The following CEP135 variants were observed in gnomAD, a reference collection of about 807,000 sequenced individuals.
CEP135 encodes the protein centrosomal protein of 135 kDa.
CEP135 carries 142 observed loss-of-function variants against 157.3 expected under a neutral mutation model. That is an observed-to-expected ratio of 0.90 (90% CI 0.79 to 1.04). The LOEUF is 1.04. Ranked by LOEUF, CEP135 falls within the 50% of genes least tolerant of loss-of-function variation. CEP135 has a pLI of 0.00. For synonymous variants in CEP135, 396 were observed against 439.8 expected, an observed-to-expected ratio of 0.90 and a Z score of 1.25; for missense variants, 1,317 against 1,309.2, an observed-to-expected ratio of 1.01 and a Z score of -0.09.
At chr4:55,976,906 C>T (rs754226059) in intron 11 of CEP135, among the ~76,000 whole-genome samples, 1 of 152,088 alleles carries the variant, frequency 6.6e-6, no homozygotes, top group Non-Finnish European at 1.5e-5. Context: ...GCCTACTGGG[C>T]TCAAGCCATT....
At chr4:55,968,042 T>G (rs1194501413) in intron 8 of CEP135, among the ~76,000 whole-genome samples, 2 of 152,178 alleles carry the variant, frequency 1.3e-5, no homozygotes, top group Non-Finnish European at 2.9e-5. Context: ...AAACCAGAAC[T>G]AATAAACTAA....
chr4:55,990,482 G>T (rs1729747244), intron 14 of CEP135, among the ~76,000 whole-genome samples: 1 of 151,604 alleles, frequency 6.6e-6, no homozygotes. Context: ...TCCAGTGACT[G>T]TTTGTCCCTA....
chr4:56,027,551 G>A (rs1397415224), intron 25 of CEP135, among the ~76,000 whole-genome samples: 1 of 152,194 alleles, frequency 6.6e-6, no homozygotes, highest in Non-Finnish European at 1.5e-5. Flanking sequence ...TATGAAAATA[G>A]GCTTGACCTT....
At chr4:55,996,351 G>T (rs1409462389) in intron 15 of CEP135, among the ~76,000 whole-genome samples, 4 of 152,092 alleles carry the variant, frequency 2.6e-5, no homozygotes, top group Non-Finnish European at 4.4e-5. Context: ...TGAGCTCCTG[G>T]GCTCAAGAGA....
At chr4:56,019,807 C>G (rs1479716650) in intron 23 of CEP135, among the ~76,000 whole-genome samples, 1 of 150,636 alleles carries the variant, frequency 6.6e-6, no homozygotes, top group Non-Finnish European at 1.5e-5. Flanking sequence ...GGCGTGGTGG[C>G]ACACACCTAT....
chr4:55,985,340 G>T lies in CEP135; in HGVS notation c.1839G>T (p.Leu613Phe). The T allele has an allele frequency of 1.3e-6, 2 of 1,590,190 alleles. No homozygotes were observed. The highest frequency in any genetic ancestry group is 2.2e-5 in the South Asian group (2 of 89,612). Residue 613 changes from leucine (L) to phenylalanine (F), a missense_variant, in exon 14 of 26, where the codon TTG (leucine) becomes TTT (phenylalanine). By Grantham distance (22) the Leu-to-Phe change is conservative. Transcript: ENST00000257287. Reference sequence around the variant, plus strand: ...AATTAGAGAAAACTATTGAACATTTGACATGTGTTAATCATCAGGTAATGT... The same window carrying T: ...AATTAGAGAAAACTATTGAACATTTTACATGTGTTAATCATCAGGTAATGT... ...KSELEKTIEH[L>F]TCVNHQLESE...
At chr4:55,996,438 AT>A (rs1037385272) in intron 15 of CEP135, among the ~76,000 whole-genome samples, 5 of 151,476 alleles carry the variant, frequency 3.3e-5, no homozygotes, top group Non-Finnish European at 5.9e-5. Flanking sequence ...CATTCCTAAC[AT>A]TTTTTTTTCT....
intron 15 of CEP135, among the ~76,000 whole-genome samples, chr4:55,994,718 C>T (rs12498836): frequency 0.099 from 14,456 of 145,350 alleles, 1,071 homozygotes; most frequent in East Asian, 0.28. Context: ...CGGAGTCTTG[C>T]TCTGTTGGCC....
intron 17 of CEP135, among the ~76,000 whole-genome samples, chr4:56,002,580 C>T (rs1026121993): frequency 3.9e-5 from 6 of 152,142 alleles, no homozygotes; most frequent in African/African-American, 1.4e-4. Flanking sequence ...ATGAATCCCA[C>T]TTGATCATGG....
chr4:55,964,498 A>G, intron 7 of CEP135, 96 bp downstream of exon 7: 1 of 1,010,350 alleles, frequency 9.9e-7, no homozygotes, highest in South Asian at 2.8e-5. Context: ...TAAAAGTGGC[A>G]GGAGTTGTTC....
At chr4:55,990,658 G>A (rs955996841) in intron 14 of CEP135, among the ~76,000 whole-genome samples, 9 of 151,654 alleles carry the variant, frequency 5.9e-5, no homozygotes, top group Admixed American at 2.6e-4. Context: ...CATCATGCCC[G>A]GCTAATTTAA....
intron 10 of CEP135, among the ~76,000 whole-genome samples, chr4:55,972,461 G>C (rs1729060484): frequency 6.6e-6 from 1 of 152,202 alleles, no homozygotes; most frequent in Non-Finnish European, 1.5e-5. Flanking sequence ...TCTACGCAGA[G>C]GAAATGGCAC....
rs1374930303 is a variant in CEP135 at position 56,009,895 on chromosome 4, G to GAA, written c.2500_2501dup (p.Asn834LysfsTer19). The stretch of plus-strand genomic sequence containing the variant: ...AGATGACCTGGCTACAATGGCAAGA[G>GAA]AAAATCAAGTATGAACACAAGGCAT... On this transcript the variant is annotated frameshift_variant, in exon 19 of 26. Coordinates refer to ENST00000257287, the MANE Select transcript of CEP135 (RefSeq NM_025009.5). LOFTEE classifies it high-confidence loss of function. 5 of 1,612,772 alleles carry GAA rather than the reference G, an allele frequency of 3.1e-6. No individual in the cohort carries two copies. The highest frequency in any genetic ancestry group is 1.3e-5 in the African/African-American group (1 of 74,842).
At chr4:55,973,157 C>G (rs1157114817) in intron 10 of CEP135, among the ~76,000 whole-genome samples, 2 of 152,300 alleles carry the variant, frequency 1.3e-5, no homozygotes, top group East Asian at 3.9e-4. Flanking sequence ...AGATACCCAG[C>G]CATGGATGAG....
rs201226456 is a variant in CEP135, at chr4:55,969,137, A to G, written c.1110+9A>G. 2.5e-5 allele frequency: 41 copies of G among 1,610,978 alleles called. No individual in the cohort carries two copies. The highest frequency in any genetic ancestry group is 3.5e-5 in the Non-Finnish European group (41 of 1,178,758). On this transcript the variant is annotated intron_variant, in intron 9 of 25. Transcript: ENST00000257287. The stretch of plus-strand genomic sequence containing the variant: ...TGGCAAAACTTCAGCTGGTAAGTTG[A>G]TGTCATGTTGAATTGCCAGCATTTT...
chr4:55,981,090 T>G (rs1729389056), intron 12 of CEP135, 137 bp from the exon 13 acceptor site: 2 of 728,788 alleles, frequency 2.7e-6, no homozygotes, highest in Non-Finnish European at 4.2e-6. Flanking sequence ...ATTTTAATCT[T>G]TTGTTGGGAT....
At chr4:55,993,619 A>G (rs992104658) in intron 15 of CEP135, among the ~76,000 whole-genome samples, 2 of 152,204 alleles carry the variant, frequency 1.3e-5, no homozygotes, top group African/African-American at 4.8e-5. Context: ...ATAACATGAC[A>G]TATTCTTGTC....
At chr4:56,018,906 T>C (rs1730875262) in intron 22 of CEP135, among the ~76,000 whole-genome samples, 1 of 152,246 alleles carries the variant, frequency 6.6e-6, no homozygotes, top group Admixed American at 6.5e-5. Flanking sequence ...GATGGAGGCA[T>C]TACTTTAAAT....
At chr4:56,011,160 A>G (rs1454867404) in intron 19 of CEP135, among the ~76,000 whole-genome samples, 1 of 152,112 alleles carries the variant, frequency 6.6e-6, no homozygotes, top group Non-Finnish European at 1.5e-5. Flanking sequence ...GCTTGAGCCC[A>G]GAAGGTCGAG....
Sources: gnomAD v4.1 joint callset for allele counts (sites outside exome capture counted in the v4.1 genomes callset) on GRCh38, gnomAD v4.1.1 for gene constraint, MANE v1.5 for transcripts, NCBI Gene and HGNC (gene_info 2026-07-23, HGNC 2026-07-21) for gene names.